The following CEP43 variants were observed in gnomAD, a reference collection of about 807,000 sequenced individuals.
CEP43 encodes the protein centrosomal protein 43.
In CEP43, 36 loss-of-function variants were observed where a neutral mutation model predicts 52.6. The ratio of observed to expected loss-of-function variants is 0.68; its 90% confidence interval spans 0.52 to 0.90. The LOEUF is 0.90. Among genes scored for constraint, CEP43 ranks in the 40% least tolerant of loss-of-function variants. CEP43 has a pLI of 0.00. For synonymous variants in CEP43, 192 were observed against 172.4 expected (o/e 1.11, Z -0.89); for missense variants, 506 against 472.8 (o/e 1.07, Z -0.65).
At chr6:167,024,332 G>A (rs162291) in intron 8 of CEP43, among the ~76,000 whole-genome samples, 42,101 of 152,090 alleles carry the variant, frequency 0.28, 6,778 homozygotes, top group Admixed American at 0.43. Flanking sequence ...TTGTTGGGCA[G>A]TTTTAAAGGT....
chr6:167,008,499 C>T (rs927819590), intron 5 of CEP43, among the ~76,000 whole-genome samples: 6 of 151,854 alleles, frequency 4.0e-5, no homozygotes, highest in Admixed American at 6.6e-5. Flanking sequence ...GAGTCTTGCT[C>T]TGTTGCCCAG....
rs377448620 is a variant in CEP43 at position 167,035,856 on chromosome 6, C to T, written c.1125+1885C>T. Among the ~76,000 whole-genome samples, 8 of 152,236 alleles carry T rather than the reference C, an allele frequency of 5.3e-5. No homozygotes were observed. The East Asian group carries it at 5.8e-4, about 11-fold the overall frequency. ...TGCTGGGATTACAGGCGTGAGCCAC[C>T]GCGCCCAGCAAGTTATTTAACTTTT... On this transcript the variant is annotated intron_variant, in intron 12 of 12. Transcript: ENST00000366847.
Position 167,013,526 on chromosome 6 carries a change from CAAGGT to C in CEP43, c.542_546del (p.Gly181GlufsTer10). ...TGCTCAGATACCAAGGTATAAAGGA[CAAGGT>C]AAGAAGAAGACAAGCGGGCAGAAGG... On this transcript the variant is annotated frameshift_variant, in exon 7 of 13. Transcript: ENST00000366847. LOFTEE classifies it high-confidence loss of function. The C allele has an allele frequency of 6.2e-7, 1 of 1,613,362 alleles. No homozygotes were observed. Among genetic ancestry groups the C allele is most frequent in the Non-Finnish European group, 8.5e-7 (1 of 1,179,546 alleles).
At chr6:167,030,405 TCTC>T (rs776419017) in intron 10 of CEP43, among the ~76,000 whole-genome samples, 9 of 152,162 alleles carry the variant, frequency 5.9e-5, no homozygotes, top group Non-Finnish European at 1.0e-4. Flanking sequence ...GATTTCCACT[TCTC>T]CTTCTCGGCC....
chr6:167,037,875 A>G (rs149612646), intron 12 of CEP43, among the ~76,000 whole-genome samples: 62 of 152,294 alleles, frequency 4.1e-4, no homozygotes, highest in African/African-American at 8.4e-4. Flanking sequence ...TTGCCATTGC[A>G]TGGAGAAGAC....
In CEP43 at chr6:166,999,497, G is replaced by A; in HGVS notation, c.85G>A (p.Val29Ile). 8 of 1,464,690 alleles carry A rather than the reference G, an allele frequency of 5.5e-6. No homozygotes were observed. Among genetic ancestry groups the A allele is most frequent in the Admixed American group, 2.4e-5 (1 of 41,238 alleles). The allele number at this position is 1,464,690 out of a possible 1,614,324, so 90.7% of individuals were successfully genotyped here. ...GGTGCAGACGCTGGAGAACAGCGGG[G>A]TCCTGAACCGCATCAAGGTGAGGCC... ...LLVQTLENSG[V>I]LNRIKAELRA... Residue 29 changes from valine (V) to isoleucine (I), a missense_variant, in exon 1 of 13, where the codon GTC becomes ATC. Coordinates refer to ENST00000366847, the MANE Select transcript of CEP43 (RefSeq NM_007045.4).
At chr6:167,017,583 ATTCT>A (rs1169924032) in intron 7 of CEP43, among the ~76,000 whole-genome samples, 4 of 149,934 alleles carry the variant, frequency 2.7e-5, no homozygotes, top group African/African-American at 9.8e-5. Flanking sequence ...TTGGAAAAAA[ATTCT>A]TTTTTTTTTT....
chr6:167,032,249 G>T (rs1313679842), intron 10 of CEP43, among the ~76,000 whole-genome samples: 1 of 152,136 alleles, frequency 6.6e-6, no homozygotes, highest in African/African-American at 2.4e-5. Context: ...TGTTGAAAAC[G>T]CTCAGTAGTT....
intron 7 of CEP43, among the ~76,000 whole-genome samples, chr6:167,013,788 A>G (rs1258986442): frequency 6.6e-6 from 1 of 152,236 alleles, no homozygotes; most frequent in Non-Finnish European, 1.5e-5. Flanking sequence ...ATCCTGGCCA[A>G]CATGGTGAAA....
intron 12 of CEP43, among the ~76,000 whole-genome samples, chr6:167,038,108 T>C (rs16899828): frequency 0.02 from 3,014 of 152,360 alleles, 48 homozygotes; most frequent in East Asian, 0.091. Flanking sequence ...TGCATTATGC[T>C]TACATATCTA....
At chr6:167,022,703 G>GTTCATTATTTT in intron 8 of CEP43, 68 bp downstream of exon 8, 1 of 1,053,120 alleles carries the variant, frequency 9.5e-7, no homozygotes, top group Non-Finnish European at 1.4e-6. Flanking sequence ...TCATTTTATA[G>GTTCATTATTTT]TTAAAAAATA....
chr6:167,032,960 T>A (rs1780501923), intron 11 of CEP43, among the ~76,000 whole-genome samples: 1 of 152,210 alleles, frequency 6.6e-6, no homozygotes, highest in South Asian at 2.1e-4. Flanking sequence ...GCTGATTTTC[T>A]CTTCCTTCCA....
At chr6:166,999,911 TG>T (rs1779692398) in intron 1 of CEP43, 148 bp from the exon 2 acceptor site, 1 of 618,554 alleles carries the variant, frequency 1.6e-6, no homozygotes, top group Admixed American at 3.0e-5. Context: ...AGAGCTTGTG[TG>T]ACTGAGAACG....
intron 4 of CEP43, 36 bp downstream of exon 4, chr6:167,003,847 C>A (rs780822467): frequency 4.7e-6 from 6 of 1,269,066 alleles, no homozygotes; most frequent in Non-Finnish European, 6.9e-6. Context: ...TCTTTTGAAA[C>A]CTTTGATACA....
chr6:167,011,903 T>C (rs1474352053), intron 6 of CEP43, among the ~76,000 whole-genome samples: 1 of 152,146 alleles, frequency 6.6e-6, no homozygotes, highest in African/African-American at 2.4e-5. Context: ...TACCATCACA[T>C]TGAGGGTTAG....
At position 167,045,759 on chromosome 6, in the gene CEP43, A is replaced by C. The variant is rs1241800665; in HGVS notation, c.*5781A>C. On this transcript the variant is annotated 3_prime_UTR_variant, in exon 13 of 13. Transcript: ENST00000366847. ...CAAAAACAACAACAACAACGAAAAA[A>C]CGATTTTGGCATGTTTTGTAAGTTG... 6.6e-6 allele frequency: 1 copy of C among 152,338 alleles called. No individual in the cohort carries two copies. The highest frequency in any genetic ancestry group is 1.5e-5 in the Non-Finnish European group (1 of 68,198). 9.4% of individuals were successfully genotyped at this position (152,338 alleles called of 1,614,324 possible). A position where few individuals can be genotyped will look rare whatever the true frequency, so the allele number is the denominator to read the frequency against.
intron 4 of CEP43, 37 bp from the exon 5 acceptor site, chr6:167,004,227 A>G: frequency 6.3e-7 from 1 of 1,575,104 alleles, no homozygotes; most frequent in Non-Finnish European, 8.6e-7. Context: ...AACTTCTGCT[A>G]TTTTTTTGTG....
intron 10 of CEP43, chr6:167,028,002 GCCT>G: frequency 1.0e-6 from 1 of 985,850 alleles, no homozygotes; most frequent in Non-Finnish European, 1.2e-6. Context: ...AGGTGGGCCT[GCCT>G]CCTTTCCCTC....
rs1780673872 is a variant in CEP43 at position 167,040,515 on chromosome 6, T to G, written c.*537T>G. 8.9e-7 allele frequency: 1 copy of G among 1,121,996 alleles called. No homozygotes were observed. The highest frequency in any genetic ancestry group is 1.6e-5 in the African/African-American group (1 of 62,050). The allele number at this position is 1,121,996 out of a possible 1,614,324, so 69.5% of individuals were successfully genotyped here. On this transcript the variant is annotated 3_prime_UTR_variant, in exon 13 of 13. Transcript: ENST00000366847. ...TTGATGTGTCAACTTTATTTTGTAT[T>G]TCCTTCCATTTGGAAGGTTTGTTAG...
Sources: allele counts gnomAD v4.1 joint callset (sites outside exome capture counted in the v4.1 genomes callset), GRCh38; gene constraint gnomAD v4.1.1; transcripts MANE v1.5; gene names NCBI Gene and HGNC (gene_info 2026-07-23, HGNC 2026-07-21).